Variants in ARHGAP20 observed in about 807,000 individuals in gnomAD.
The protein encoded by ARHGAP20 is Rho GTPase activating protein 20, also known as rho GTPase-activating protein 20.
A neutral mutation model predicts 73.7 loss-of-function variants in ARHGAP20; 34 were observed. That is an observed-to-expected ratio of 0.46 (90% CI 0.35 to 0.61). The LOEUF is 0.61. Among genes scored for constraint, ARHGAP20 ranks in the 20% least tolerant of loss-of-function variants. ARHGAP20 has a pLI of 0.00. For missense variants in ARHGAP20, 1,314 were observed against 1,420.9 expected, an observed-to-expected ratio of 0.92 and a Z score of 1.21; for synonymous variants, 523 against 518.2, an observed-to-expected ratio of 1.01 and a Z score of -0.13.
At chr11:110,601,981 CA>C (rs34786190) in intron 9 of ARHGAP20, among the ~76,000 whole-genome samples, 40,642 of 130,798 alleles carry the variant, frequency 0.31, 6,173 homozygotes, top group African/African-American at 0.46. Context: ...GACTTTTTCT[CA>C]AAAAAAAAAA....
intron 2 of ARHGAP20, among the ~76,000 whole-genome samples, chr11:110,633,647 C>T (rs1948904268): frequency 6.6e-6 from 1 of 152,150 alleles, no homozygotes; most frequent in South Asian, 2.1e-4. Context: ...AATGCATTTT[C>T]TACTCATGAT....
At chr11:110,645,402 CA>C (rs1393486078) in intron 2 of ARHGAP20, among the ~76,000 whole-genome samples, 1 of 152,074 alleles carries the variant, frequency 6.6e-6, no homozygotes, top group African/African-American at 2.4e-5. Flanking sequence ...ACATGCAAAT[CA>C]AAACCACAGT....
chr11:110,653,669 C>T (rs1418367177), intron 2 of ARHGAP20, among the ~76,000 whole-genome samples: 1 of 152,148 alleles, frequency 6.6e-6, no homozygotes, highest in Non-Finnish European at 1.5e-5. Context: ...TGTGGCAATT[C>T]CTCAAACACC....
intron 2 of ARHGAP20, among the ~76,000 whole-genome samples, chr11:110,679,059 A>G (rs962252421): frequency 2.0e-5 from 3 of 152,164 alleles, no homozygotes; most frequent in African/African-American, 7.2e-5. Context: ...GGTTGCAGTA[A>G]GATTTCAACC....
chr11:110,691,023 T>G, intron 1 of ARHGAP20: 1 of 1,512,194 alleles, frequency 6.6e-7, no homozygotes, highest in Non-Finnish European at 8.8e-7. Context: ...CTATCTTTAT[T>G]TCACAGGCAA....
At chr11:110,692,917 T>C (rs768112039) in intron 1 of ARHGAP20, among the ~76,000 whole-genome samples, 2 of 151,936 alleles carry the variant, frequency 1.3e-5, no homozygotes, top group Non-Finnish European at 2.9e-5. Flanking sequence ...AAATTTTGCA[T>C]GCAACTTCAG....
intron 11 of ARHGAP20, among the ~76,000 whole-genome samples, chr11:110,590,115 C>T (rs1337484410): frequency 3.5e-5 from 5 of 144,272 alleles, no homozygotes; most frequent in East Asian, 2.0e-4. Flanking sequence ...AGTGAGACCC[C>T]GCCTCAAAAA....
intron 6 of ARHGAP20, among the ~76,000 whole-genome samples, chr11:110,614,126 T>G (rs1948431698): frequency 6.6e-6 from 1 of 152,122 alleles, no homozygotes; most frequent in Non-Finnish European, 1.5e-5. Flanking sequence ...ATGAAGAACT[T>G]TTCAAAACCA....
chr11:110,676,460 T>C (rs1477903200), intron 2 of ARHGAP20, among the ~76,000 whole-genome samples: 1 of 152,066 alleles, frequency 6.6e-6, no homozygotes, highest in African/African-American at 2.4e-5. Flanking sequence ...GGAGAAGTAC[T>C]GAGCAAAAAA....
intron 12 of ARHGAP20, among the ~76,000 whole-genome samples, chr11:110,584,979 A>ATC (rs1947603309): frequency 6.8e-6 from 1 of 146,902 alleles, no homozygotes; most frequent in African/African-American, 2.5e-5. Context: ...ATGAATATAT[A>ATC]TGTGAAAATA....
At chr11:110,700,572 T>C (rs909045570) in intron 1 of ARHGAP20, among the ~76,000 whole-genome samples, 57 of 151,980 alleles carry the variant, frequency 3.8e-4, no homozygotes, top group Non-Finnish European at 7.4e-4. Context: ...TTACTTTTTT[T>C]TTTCTTTCTT....
intron 1 of ARHGAP20, among the ~76,000 whole-genome samples, chr11:110,705,760 T>G (rs185446811): frequency 6.6e-6 from 1 of 152,290 alleles, no homozygotes; most frequent in Non-Finnish European, 1.5e-5. Context: ...GGTTTCCACA[T>G]GATTTTCCAG....
chr11:110,595,101 T>G (rs1351743425), intron 9 of ARHGAP20, among the ~76,000 whole-genome samples: 1 of 151,618 alleles, frequency 6.6e-6, no homozygotes, highest in African/African-American at 2.4e-5. Context: ...CAACCCTTCA[T>G]GCTAAAAACT....
intron 2 of ARHGAP20, among the ~76,000 whole-genome samples, chr11:110,636,030 C>T (rs1296729126): frequency 6.6e-6 from 1 of 152,056 alleles, no homozygotes; most frequent in African/African-American, 2.4e-5. Context: ...GAAAAATCAT[C>T]TTTTGCATTT....
chr11:110,685,375 A>G (rs1010009753), intron 2 of ARHGAP20, among the ~76,000 whole-genome samples: 1 of 152,108 alleles, frequency 6.6e-6, no homozygotes, highest in Non-Finnish European at 1.5e-5. Context: ...GACTGCAGCT[A>G]TGTAACCACT....
At chr11:110,712,510 C>G (rs1265991449), upstream of ARHGAP20, 1 of 153,932 alleles carries the variant, frequency 6.5e-6, no homozygotes, top group Non-Finnish European at 1.4e-5. Context: ...GCGCCCTGCG[C>G]CGGGGCCCGC....
intron 9 of ARHGAP20, among the ~76,000 whole-genome samples, chr11:110,605,307 TG>T (rs1948198208): frequency 6.6e-6 from 1 of 152,166 alleles, no homozygotes; most frequent in Non-Finnish European, 1.5e-5. Flanking sequence ...AAACAGATGG[TG>T]GTTACAACTC....
At chr11:110,595,031 A>G (rs1947920128) in intron 9 of ARHGAP20, among the ~76,000 whole-genome samples, 1 of 151,626 alleles carries the variant, frequency 6.6e-6, no homozygotes, top group Admixed American at 6.6e-5. Context: ...AAACAGAACC[A>G]AAGACAAAAA....
At position 110,580,169 on chromosome 11, in the gene ARHGAP20, C is replaced by T. The variant is rs1024887619; in HGVS notation, c.2777G>A (p.Arg926Lys). 11 of 1,614,078 alleles carry T rather than the reference C, an allele frequency of 6.8e-6. No individual in the cohort carries two copies. Among genetic ancestry groups the T allele is most frequent in the Non-Finnish European group, 9.3e-6 (11 of 1,180,044 alleles). ...NQNTEKVLPP[R>K]LNLCPRTSYS... ...GCTGGTCCTTGGGCAAAGGTTTAAT[C>T]TTGGGGGTAAAACCTTCTCAGTGTT... Residue 926 changes from arginine to lysine, a missense_variant, in exon 15 of 15, where the codon AGA becomes AAA. Coordinates refer to ENST00000683387, the MANE Select transcript of ARHGAP20 (RefSeq NM_001384657.1).
Sources: gnomAD v4.1 joint callset for allele counts (sites outside exome capture counted in the v4.1 genomes callset) on GRCh38, gnomAD v4.1.1 for gene constraint, MANE v1.5 for transcripts, NCBI Gene and HGNC (gene_info 2026-07-23, HGNC 2026-07-21) for gene names.